SAMSN1: variants seen among roughly 807,000 people sequenced by gnomAD.
The protein encoded by SAMSN1 is SAM domain-containing protein SAMSN-1.
In SAMSN1, 31 loss-of-function variants were observed where a neutral mutation model predicts 42.0. The ratio of observed to expected loss-of-function variants is 0.74; its 90% CI spans 0.55 to 1.00. The LOEUF is 1.00. Among genes scored for constraint, SAMSN1 ranks in the 50% least tolerant of loss-of-function variants. The probability of loss-of-function intolerance (pLI) is 0.00; values close to 1 mark genes in which losing one functional copy is unlikely to be tolerated. For synonymous variants in SAMSN1, 178 were observed against 151.9 expected (o/e 1.17, Z -1.26); for missense variants, 464 against 439.4 (o/e 1.06, Z -0.50).
chr21:14,500,450 C>A, intron 6 of SAMSN1, 79 bp downstream of exon 6: 1 of 1,186,748 alleles, frequency 8.4e-7, no homozygotes, highest in Non-Finnish European at 1.2e-6. Context: ...TTAAGCAATG[C>A]AACACAAATA....
intron 2 of SAMSN1, among the ~76,000 whole-genome samples, chr21:14,634,161 T>C (rs143135032): frequency 6.6e-6 from 1 of 150,490 alleles, no homozygotes; most frequent in Non-Finnish European, 1.5e-5. Context: ...AAAAATTAAC[T>C]CAAGATGGAT....
intron 2 of SAMSN1, among the ~76,000 whole-genome samples, chr21:14,567,429 T>C (rs1017558188): frequency 6.6e-6 from 1 of 152,168 alleles, no homozygotes; most frequent in African/African-American, 2.4e-5. Context: ...ATCTGGAAAA[T>C]ATATGCTAAG....
chr21:14,619,664 G>T, intron 2 of SAMSN1: 1 of 328,604 alleles, frequency 3.0e-6, no homozygotes, highest in Non-Finnish European at 6.5e-6. Context: ...CAAAGTTCAT[G>T]GCTGATATTC....
Position 14,606,135 on chromosome 21 carries a change from C to A in SAMSN1, c.322+3347G>T, listed in dbSNP as rs115794313. Among the ~76,000 whole-genome samples, 4 of 152,164 alleles carry A rather than the reference C, an allele frequency of 2.6e-5. No homozygotes were observed. In the East Asian group the frequency reaches 7.7e-4, roughly 29 times the overall value. Reference sequence around the variant, plus strand: ...GATTACAGGCGTGAACCACTGCGCCCGGTCAAGAAGATTTATTTTTAAAGT... The same window carrying A: ...GATTACAGGCGTGAACCACTGCGCCAGGTCAAGAAGATTTATTTTTAAAGT... On this transcript the variant is annotated intron_variant, in intron 5 of 15. Transcript: ENST00000647101.
chr21:14,496,460 C>T (rs1568765463), intron 7 of SAMSN1: 1 of 152,196 alleles, frequency 6.6e-6, no homozygotes, highest in Non-Finnish European at 1.5e-5. Flanking sequence ...CTTCTCCTCC[C>T]TGTACTTCAT....
chr21:14,567,140 C>A (rs1039810141), intron 2 of SAMSN1, among the ~76,000 whole-genome samples: 1 of 151,830 alleles, frequency 6.6e-6, no homozygotes, highest in Non-Finnish European at 1.5e-5. Flanking sequence ...CCTAGAACCA[C>A]AAGAAAGCCA....
At chr21:14,610,319 T>A (rs1240013020) in intron 4 of SAMSN1, among the ~76,000 whole-genome samples, 1 of 152,170 alleles carries the variant, frequency 6.6e-6, no homozygotes, top group African/African-American at 2.4e-5. Context: ...TGGATAGGGA[T>A]GAAACATGCC....
chr21:14,621,758 A>T (rs542529814), intron 2 of SAMSN1, among the ~76,000 whole-genome samples: 2 of 152,224 alleles, frequency 1.3e-5, no homozygotes, highest in African/African-American at 4.8e-5. Context: ...TCCCTGTCTG[A>T]CAGCTTTGAA....
chr21:14,564,328 G>A (rs1015304593), intron 2 of SAMSN1, among the ~76,000 whole-genome samples: 11 of 152,138 alleles, frequency 7.2e-5, no homozygotes, highest in Admixed American at 6.6e-4. Context: ...GAGAAGAAGG[G>A]AGATTTCTTG....
chr21:14,533,430 CTTAG>C (rs139662538), intron 1 of SAMSN1, among the ~76,000 whole-genome samples: 323 of 152,156 alleles, frequency 2.1e-3, no homozygotes, highest in African/African-American at 7.3e-3. Context: ...AATAAAGAAA[CTTAG>C]TTATTTAATT....
At chr21:14,645,861 A>G (rs1188514465) in intron 1 of SAMSN1, among the ~76,000 whole-genome samples, 1 of 152,228 alleles carries the variant, frequency 6.6e-6, no homozygotes, top group African/African-American at 2.4e-5. Context: ...GAAAAATGCA[A>G]TTGGCACACT....
chr21:14,595,453 C>G (rs1982231155), intron 6 of SAMSN1, among the ~76,000 whole-genome samples: 1 of 152,066 alleles, frequency 6.6e-6, no homozygotes, highest in Admixed American at 6.6e-5. Flanking sequence ...GCCTAAGGTA[C>G]TTTGCTATAG....
chr21:14,533,311 T>C (rs539524714), intron 1 of SAMSN1, among the ~76,000 whole-genome samples: 1 of 152,220 alleles, frequency 6.6e-6, no homozygotes, highest in Non-Finnish European at 1.5e-5. Context: ...TTGCTCTTTT[T>C]AACCAAATAC....
At chr21:14,547,352 C>G (rs1479397247), upstream of SAMSN1, among the ~76,000 whole-genome samples, 1 of 152,142 alleles carries the variant, frequency 6.6e-6, no homozygotes, top group Non-Finnish European at 1.5e-5. Context: ...CCCAGAACCT[C>G]TATTTAATAG....
At chr21:14,558,236 T>C (rs1157484588) in intron 2 of SAMSN1, among the ~76,000 whole-genome samples, 1 of 151,972 alleles carries the variant, frequency 6.6e-6, no homozygotes, top group African/African-American at 2.4e-5. Context: ...CCTCCTTGGA[T>C]TGACAAGTAA....
At chr21:14,515,486 A>G (rs755642709) in intron 3 of SAMSN1, among the ~76,000 whole-genome samples, 7 of 152,210 alleles carry the variant, frequency 4.6e-5, no homozygotes, top group Non-Finnish European at 8.8e-5. Flanking sequence ...TATACTGTAC[A>G]GTAAAATTAT....
intron 7 of SAMSN1, among the ~76,000 whole-genome samples, chr21:14,487,592 G>GGAA (rs1206086327): frequency 6.6e-6 from 1 of 152,108 alleles, no homozygotes; most frequent in African/African-American, 2.4e-5. Context: ...AAATTCTGTA[G>GGAA]TTTAGAAGAA....
At chr21:14,529,342 T>C (rs1164217238) in intron 1 of SAMSN1, among the ~76,000 whole-genome samples, 1 of 152,242 alleles carries the variant, frequency 6.6e-6, no homozygotes, top group Non-Finnish European at 1.5e-5. Context: ...ATAAAAATCC[T>C]ACAGTCGTGA....
At position 14,641,055 on chromosome 21, in the gene SAMSN1, T is replaced by C. The variant is rs116199750; in HGVS notation, c.156+1947A>G. Among the ~76,000 whole-genome samples the C allele has an allele frequency of 7.8e-3, 1,180 of 152,212 alleles. 17 individuals carry two copies. Among genetic ancestry groups the C allele is most frequent in the African/African-American group, 0.027 (1,131 of 41,542 alleles). ...AAATATCTTCAGGCTCTTCAGCCTA[T>C]TCAATTTTTCTTTTTAATTGTGGGG... On this transcript the variant is annotated intron_variant, in intron 2 of 15. Coordinates refer to the SAMSN1 transcript ENST00000647101.
Sources: allele counts gnomAD v4.1 joint callset (sites outside exome capture counted in the v4.1 genomes callset), GRCh38; gene constraint gnomAD v4.1.1; transcripts MANE v1.5; gene names NCBI Gene and HGNC (gene_info 2026-07-23, HGNC 2026-07-21).